FMN2: variants seen among roughly 807,000 people sequenced by gnomAD.
FMN2 encodes formin-2.
In FMN2, 51 loss-of-function variants were observed where a neutral mutation model predicts 142.3. The ratio of observed to expected loss-of-function variants is 0.36; its 90% CI spans 0.29 to 0.45. The LOEUF is 0.45. FMN2 is among the 20% of genes least tolerant of loss of function. FMN2 has a pLI of 1.00. For synonymous variants in FMN2, 882 were observed against 869.8 expected (o/e 1.01, Z -0.25); for missense variants, 1,936 against 2,122.8 (o/e 0.91, Z 1.73).
chr1:240,256,235 C>T (rs56725119), intron 6 of FMN2, among the ~76,000 whole-genome samples: 4,180 of 152,166 alleles, frequency 0.027, 181 homozygotes, highest in African/African-American at 0.096. Flanking sequence ...TAAATTCCTA[C>T]TTTTTAAGCT....
In FMN2 at chr1:240,355,950, G is replaced by GTAA. The variant is rs1558449489; in HGVS notation, c.4858+42_4858+43insTAA. ...TGTGTTATGTTTTTCTCCCCTTTCA[G>GTAA]CAAAAAAAAAAAAAAAAAAAAAAAA... On this transcript the variant is annotated intron_variant, in intron 14 of 17. Transcript: ENST00000319653. 1.2e-4 allele frequency: 10 copies of GTAA among 85,606 alleles called. No homozygotes were observed. The African/African-American group carries it at 1.6e-3, about 14-fold the overall frequency. 5.3% of individuals were successfully genotyped at this position (85,606 alleles called of 1,614,324 possible).
In FMN2 at chr1:240,092,296, A is replaced by C; in HGVS notation, c.187A>C (p.Lys63Gln). Residue 63 changes from lysine to glutamine, a missense_variant, in exon 1 of 18, where the codon AAG becomes CAG. By Grantham distance (53) the Lys-to-Gln change is moderately conservative. Transcript: ENST00000319653. ...CGGCGGCGGCGGCGGGGAGTCGGGC[A>C]AGAAGAAGAGCAAGTCCGACTCCAG... ...GGGGGGGESG[K>Q]KKSKSDSRAS... is the part of the protein sequence containing the mutation. 1 of 1,593,968 alleles carries C rather than the reference A, an allele frequency of 6.3e-7. No individual in the cohort carries two copies. Among genetic ancestry groups the C allele is most frequent in the Non-Finnish European group, 8.6e-7 (1 of 1,168,480 alleles).
intron 8 of FMN2, among the ~76,000 whole-genome samples, chr1:240,316,540 C>T (rs979966855): frequency 6.6e-6 from 1 of 151,932 alleles, no homozygotes; most frequent in Non-Finnish European, 1.5e-5. Flanking sequence ...AGGGAGAAGT[C>T]TGTTTCTAAG....
intron 14 of FMN2, among the ~76,000 whole-genome samples, chr1:240,366,846 C>T (rs1013107910): frequency 2.0e-5 from 3 of 152,156 alleles, no homozygotes; most frequent in South Asian, 2.1e-4. Context: ...CCACCGCGCC[C>T]GGCCCTCTAT....
At chr1:240,378,537 T>G (rs1432071327) in intron 14 of FMN2, among the ~76,000 whole-genome samples, 1 of 152,176 alleles carries the variant, frequency 6.6e-6, no homozygotes, top group Non-Finnish European at 1.5e-5. Flanking sequence ...TTGAACCTTA[T>G]CCCCTCAGTG....
chr1:240,462,534 A>G (rs16840117), intron 16 of FMN2, among the ~76,000 whole-genome samples: 9,879 of 152,262 alleles, frequency 0.065, 404 homozygotes, highest in Middle Eastern at 0.13. Flanking sequence ...GAGGCAAAAA[A>G]CAAGTGATTT....
chr1:240,405,703 A>G (rs1488311697), intron 15 of FMN2, among the ~76,000 whole-genome samples: 1 of 152,244 alleles, frequency 6.6e-6, no homozygotes, highest in African/African-American at 2.4e-5. Flanking sequence ...ATACGCTTCA[A>G]GCACCGCAGA....
intron 13 of FMN2, among the ~76,000 whole-genome samples, chr1:240,354,148 C>T (rs758176276): frequency 6.6e-6 from 1 of 152,080 alleles, no homozygotes; most frequent in African/African-American, 2.4e-5. Flanking sequence ...TTCTGGATGG[C>T]TTTTTAAGGC....
intron 6 of FMN2, among the ~76,000 whole-genome samples, chr1:240,250,448 A>G (rs923963571): frequency 2.0e-5 from 3 of 152,036 alleles, no homozygotes; most frequent in African/African-American, 7.2e-5. Context: ...CCACTTGATT[A>G]TGGTATTTTC....
At chr1:240,121,275 G>A (rs965930074) in intron 1 of FMN2, among the ~76,000 whole-genome samples, 1 of 152,104 alleles carries the variant, frequency 6.6e-6, no homozygotes, top group Admixed American at 6.5e-5. Flanking sequence ...CAGCAATTCT[G>A]TTCTCCCCAG....
At chr1:240,241,825 C>CTTCTTTTTTTTTTTTTTTTTTTTTTTTT (rs1667908718) in intron 6 of FMN2, among the ~76,000 whole-genome samples, 4 of 96,236 alleles carry the variant, frequency 4.2e-5, no homozygotes, top group South Asian at 3.5e-4. Context: ...GTGTGCCTTG[C>CTTCTTTTTTTTTTTTTTTTTTTTTTTTT]TTTTTTTTTT....
In FMN2 at chr1:240,110,166, GC is replaced by G. The variant is rs561526819; in HGVS notation, c.1616-13012del. Among the ~76,000 whole-genome samples the G allele has an allele frequency of 2.6e-3, 399 of 152,272 alleles. 1 individual carries two copies. The South Asian group carries it at 0.031, about 12-fold the overall frequency. The stretch of plus-strand genomic sequence containing the variant: ...TCCGAATGCAGAAAGTTGGTCAGAA[GC>G]TTTTCCCAGAGTTGCTGGCTGAGTC... On this transcript the variant is annotated intron_variant, in intron 1 of 17. Transcript: ENST00000319653.
chr1:240,276,403 A>T, intron 7 of FMN2, among the ~76,000 whole-genome samples: 1 of 152,138 alleles, frequency 6.6e-6, no homozygotes, highest in African/African-American at 2.4e-5. Flanking sequence ...GATGTAAGGG[A>T]AGAGTGTGAG....
intron 1 of FMN2, among the ~76,000 whole-genome samples, chr1:240,105,023 C>G (rs2103183431): frequency 6.6e-6 from 1 of 150,620 alleles, no homozygotes; most frequent in Non-Finnish European, 1.5e-5. Flanking sequence ...GTGGAATTGT[C>G]AGGTCATTAA....
chr1:240,337,683 A>G (rs1671610886), intron 13 of FMN2, among the ~76,000 whole-genome samples: 2 of 152,238 alleles, frequency 1.3e-5, no homozygotes, highest in African/African-American at 4.8e-5. Flanking sequence ...ACAGTTAAGC[A>G]ATAATCATAG....
chr1:240,257,787 C>T (rs113266477), intron 6 of FMN2, among the ~76,000 whole-genome samples, 158 bp from the exon 7 acceptor site: 1 of 152,144 alleles, frequency 6.6e-6, no homozygotes, highest in Non-Finnish European at 1.5e-5. Flanking sequence ...CCCAAAAGCT[C>T]TCTTCAAACA....
chr1:240,441,519 A>G (rs915517104), intron 16 of FMN2, among the ~76,000 whole-genome samples: 4 of 151,712 alleles, frequency 2.6e-5, no homozygotes, highest in African/African-American at 9.7e-5. Context: ...CCTATTTACT[A>G]TCAACCTATT....
chr1:240,383,624 T>C (rs1673302340), intron 14 of FMN2, among the ~76,000 whole-genome samples: 1 of 152,148 alleles, frequency 6.6e-6, no homozygotes, highest in Non-Finnish European at 1.5e-5. Flanking sequence ...GAAAAGGGAA[T>C]AGTTATATAC....
chr1:240,181,124 C>A (rs1445538289), intron 3 of FMN2, among the ~76,000 whole-genome samples: 1 of 152,114 alleles, frequency 6.6e-6, no homozygotes, highest in Admixed American at 6.5e-5. Flanking sequence ...CCCTCCTCAG[C>A]CTCCCAAAGG....
Sources: gnomAD v4.1 joint callset for allele counts (sites outside exome capture counted in the v4.1 genomes callset) on GRCh38, gnomAD v4.1.1 for gene constraint, MANE v1.5 for transcripts, NCBI Gene and HGNC (gene_info 2026-07-23, HGNC 2026-07-21) for gene names.